Variants in CDH9 observed in about 807,000 individuals in gnomAD.
CDH9 encodes cadherin-9.
A neutral mutation model predicts 70.9 loss-of-function variants in CDH9; 28 were observed. The ratio of observed to expected loss-of-function variants is 0.40; its 90% CI spans 0.29 to 0.54. CDH9 has a LOEUF of 0.54. Ranked by LOEUF, CDH9 falls within the 20% of genes least tolerant of loss-of-function variation. CDH9 has a pLI of 0.59. For synonymous variants in CDH9, 409 were observed against 343.1 expected, an observed-to-expected ratio of 1.19 and a Z score of -2.12; for missense variants, 874 against 984.4, an observed-to-expected ratio of 0.89 and a Z score of 1.50.
chr5:27,009,860 C>T (rs760288440), intron 1 of CDH9, among the ~76,000 whole-genome samples: 23 of 152,008 alleles, frequency 1.5e-4, no homozygotes, highest in Non-Finnish European at 2.6e-4. Flanking sequence ...CTTAGAATTT[C>T]TATAGTTGTT....
chr5:26,884,387 A>G (rs141828558), intron 11 of CDH9, among the ~76,000 whole-genome samples: 3 of 152,262 alleles, frequency 2.0e-5, no homozygotes, highest in East Asian at 3.9e-4. Flanking sequence ...CTAAATTAGG[A>G]AAGTGGAACT....
chr5:26,995,237 A>T (rs897704313), intron 1 of CDH9, among the ~76,000 whole-genome samples: 7 of 152,224 alleles, frequency 4.6e-5, no homozygotes, highest in African/African-American at 1.4e-4. Context: ...AATATAAATA[A>T]TTACTACTTT....
chr5:27,027,164 G>A (rs1042585838), intron 1 of CDH9, among the ~76,000 whole-genome samples: 8 of 151,894 alleles, frequency 5.3e-5, no homozygotes, highest in African/African-American at 9.7e-5. Context: ...AACTTCAAGC[G>A]ATAAAGTGTA....
chr5:26,962,992 T>C (rs1373936260), intron 2 of CDH9, among the ~76,000 whole-genome samples: 7 of 152,190 alleles, frequency 4.6e-5, no homozygotes, highest in African/African-American at 1.7e-4. Flanking sequence ...ATTTATTCTC[T>C]TGAACACATT....
intron 2 of CDH9, among the ~76,000 whole-genome samples, chr5:26,968,242 G>A (rs946598835): frequency 2.0e-5 from 3 of 151,904 alleles, no homozygotes; most frequent in Non-Finnish European, 4.4e-5. Context: ...ATCCAGAGAC[G>A]ATTACAGGGA....
intron 1 of CDH9, among the ~76,000 whole-genome samples, chr5:27,029,709 C>A (rs1743278639): frequency 6.6e-6 from 1 of 151,848 alleles, no homozygotes; most frequent in Non-Finnish European, 1.5e-5. Flanking sequence ...ATCTAAGGAT[C>A]TTTTTCCTGA....
At chr5:26,913,751 A>G (rs1741094741) in intron 3 of CDH9, among the ~76,000 whole-genome samples, 1 of 130,638 alleles carries the variant, frequency 7.7e-6, no homozygotes, top group South Asian at 2.7e-4. Flanking sequence ...ATATATACAT[A>G]TATGTTTGTG....
At chr5:26,892,521 A>C (rs1056798976) in intron 7 of CDH9, among the ~76,000 whole-genome samples, 1 of 152,216 alleles carries the variant, frequency 6.6e-6, no homozygotes, top group African/African-American at 2.4e-5. Flanking sequence ...CAGGCTAATC[A>C]GCCTCTGCTG....
At chr5:26,914,587 A>G (rs1741116276) in intron 3 of CDH9, among the ~76,000 whole-genome samples, 1 of 152,062 alleles carries the variant, frequency 6.6e-6, no homozygotes, top group South Asian at 2.1e-4. Context: ...CAATTAGATG[A>G]CATTTCATTT....
intron 3 of CDH9, among the ~76,000 whole-genome samples, chr5:26,911,223 G>T (rs538827968): frequency 1.3e-5 from 2 of 152,180 alleles, no homozygotes; most frequent in East Asian, 3.9e-4. Context: ...TGTGGGATGT[G>T]GGCCTTGGCG....
At chr5:26,929,812 CAG>C (rs1314063791) in intron 2 of CDH9, among the ~76,000 whole-genome samples, 1 of 151,586 alleles carries the variant, frequency 6.6e-6, no homozygotes, top group Non-Finnish European at 1.5e-5. Flanking sequence ...TTCATGGAGA[CAG>C]AGAGTAGAAT....
At chr5:27,007,162 G>T (rs1422596578) in intron 1 of CDH9, among the ~76,000 whole-genome samples, 1 of 152,078 alleles carries the variant, frequency 6.6e-6, no homozygotes, top group East Asian at 1.9e-4. Context: ...TGTCTTACAT[G>T]AGCCAGCCTA....
chr5:26,983,373 T>C (rs1742434525), intron 2 of CDH9, among the ~76,000 whole-genome samples: 1 of 152,184 alleles, frequency 6.6e-6, no homozygotes, highest in African/African-American at 2.4e-5. Context: ...ATTCAAGAGA[T>C]ATTGTATAAA....
At chr5:27,011,925 TC>T (rs1742966373) in intron 1 of CDH9, among the ~76,000 whole-genome samples, 3 of 151,998 alleles carry the variant, frequency 2.0e-5, no homozygotes, top group Non-Finnish European at 2.9e-5. Context: ...ATAATAAAAC[TC>T]ATGACATTGG....
intron 2 of CDH9, among the ~76,000 whole-genome samples, chr5:26,958,007 AT>A (rs1741974432): frequency 6.6e-6 from 1 of 152,186 alleles, no homozygotes; most frequent in Non-Finnish European, 1.5e-5. Context: ...CTTCATAATA[AT>A]TTTAAGAAGA....
At chr5:26,890,018 A>T (rs1409875953) in intron 8 of CDH9, 61 bp from the exon 9 acceptor site, 1 of 1,509,866 alleles carries the variant, frequency 6.6e-7, no homozygotes, top group Non-Finnish European at 9.1e-7. Flanking sequence ...GAAACCACTC[A>T]CCCATTTGTA....
intron 2 of CDH9, among the ~76,000 whole-genome samples, chr5:26,945,767 A>G (rs532038686): frequency 9.5e-4 from 144 of 152,324 alleles, no homozygotes; most frequent in African/African-American, 3.4e-3. Flanking sequence ...TGTCAATGAT[A>G]ATAGCGGAAA....
At chr5:26,918,150 G>C (rs969860124) in intron 2 of CDH9, among the ~76,000 whole-genome samples, 16 of 151,936 alleles carry the variant, frequency 1.1e-4, no homozygotes, top group Non-Finnish European at 2.2e-4. Flanking sequence ...CAATTGTTTT[G>C]TTTTGCCTTT....
chr5:27,029,329 T>C (rs1743272911), intron 1 of CDH9, among the ~76,000 whole-genome samples: 1 of 151,998 alleles, frequency 6.6e-6, no homozygotes, highest in African/African-American at 2.4e-5. Context: ...TCTCACATAA[T>C]TGGAGTAATG....
Sources: allele counts gnomAD v4.1 joint callset (sites outside exome capture counted in the v4.1 genomes callset), GRCh38; gene constraint gnomAD v4.1.1; transcripts MANE v1.5; gene names NCBI Gene and HGNC (gene_info 2026-07-23, HGNC 2026-07-21).